The following PHOX2B variants were observed in gnomAD, a reference collection of about 807,000 sequenced individuals.
PHOX2B encodes paired like homeobox 2B, also known as paired mesoderm homeobox protein 2B.
In PHOX2B, 1 loss-of-function variant was observed where a neutral mutation model predicts 15.5. That is an observed-to-expected ratio of 0.06 (90% CI 0.02 to 0.31). The LOEUF (loss-of-function observed/expected upper bound fraction) is 0.31. Ranked by LOEUF, PHOX2B falls within the 10% of genes least tolerant of loss-of-function variation. The pLI is 1.00. For synonymous variants in PHOX2B, 206 were observed against 190.5 expected (o/e 1.08, Z -0.67); for missense variants, 314 against 436.4 (o/e 0.72, Z 2.50).
chr4:41,748,024 G>C (rs1419059637), intron 1 of PHOX2B, among the ~76,000 whole-genome samples: 1 of 151,972 alleles, frequency 6.6e-6, no homozygotes, highest in East Asian at 1.9e-4. Flanking sequence ...GGTGTGAGCC[G>C]CTGTCGGTTC....
chr4:41,746,329 C>G lies in PHOX2B; in HGVS notation c.430-7G>C. Reference sequence around the variant, plus strand: ...GGCGGTTCTGGAACCACACCTGGCCCAAGACGGAAGGAGAGACGGTGAAGC... The same window carrying G: ...GGCGGTTCTGGAACCACACCTGGCCGAAGACGGAAGGAGAGACGGTGAAGC... On this transcript the variant is annotated splice_polypyrimidine_tract_variant and splice_region_variant and intron_variant, in intron 2 of 2. Transcript: ENST00000226382. The G allele has an allele frequency of 6.2e-7, 1 of 1,613,538 alleles. No homozygotes were observed. Among genetic ancestry groups the G allele is most frequent in the Non-Finnish European group, 8.5e-7 (1 of 1,179,774 alleles).
At chr4:41,746,438 C>T in intron 2 of PHOX2B, 116 bp from the exon 3 acceptor site, 1 of 973,850 alleles carries the variant, frequency 1.0e-6, no homozygotes, top group Non-Finnish European at 1.6e-6. Context: ...ACACCCTCCT[C>T]CCCATGCGCT....
In PHOX2B at chr4:41,748,705, C is replaced by A; in HGVS notation, c.-95G>T. 1 of 1,201,586 alleles carries A rather than the reference C, an allele frequency of 8.3e-7. No homozygotes were observed. Among genetic ancestry groups the A allele is most frequent in the Middle Eastern group, 2.0e-4 (1 of 4,960 alleles). 74.4% of individuals were successfully genotyped at this position (1,201,586 alleles called of 1,614,324 possible). A position where few individuals can be genotyped will look rare whatever the true frequency, so the allele number is the denominator to read the frequency against. ...GAGTGGGGAGATGTGCACAGCTCAA[C>A]GCCTGCCTCCAAACTGGCCTCCTTA... On this transcript the variant is annotated 5_prime_UTR_variant, in exon 1 of 3. Coordinates refer to ENST00000226382, the MANE Select transcript of PHOX2B (RefSeq NM_003924.4).
chr4:41,746,375 G>A, intron 2 of PHOX2B, 53 bp from the exon 3 acceptor site: 1 of 1,588,166 alleles, frequency 6.3e-7, no homozygotes, highest in Admixed American at 1.7e-5. Context: ...AGAAGAAAAT[G>A]GGAAAGAAAA....
In PHOX2B at chr4:41,744,695, A is replaced by C. The variant is rs1733827135; in HGVS notation, c.*1112T>G. The C allele has an allele frequency of 8.6e-6, 2 of 233,564 alleles. No homozygotes were observed. Among genetic ancestry groups the C allele is most frequent in the South Asian group, 3.6e-4 (2 of 5,512 alleles). 14.5% of individuals were successfully genotyped at this position (233,564 alleles called of 1,614,324 possible). A position where few individuals can be genotyped will look rare whatever the true frequency, so the allele number is the denominator to read the frequency against. On this transcript the variant is annotated 3_prime_UTR_variant, in exon 3 of 3. Transcript: ENST00000226382. ...AAATGCAAACCGAGACACCCCTGCA[A>C]ACGTGTGTGTGTGCCTTTTCCTTGC...
chr4:41,744,220 A>T lies in PHOX2B; in HGVS notation c.*1587T>A, dbSNP rs1733816113. 9.4e-6 allele frequency: 2 copies of T among 213,196 alleles called. No homozygotes were observed. Among genetic ancestry groups the T allele is most frequent in the South Asian group, 3.7e-4 (2 of 5,342 alleles). 13.2% of individuals were successfully genotyped at this position (213,196 alleles called of 1,614,324 possible). A position where few individuals can be genotyped will look rare whatever the true frequency, so the allele number is the denominator to read the frequency against. On this transcript the variant is annotated 3_prime_UTR_variant, in exon 3 of 3. Transcript: ENST00000226382. ...ATATAAATAAATTCAAAAATCTGAA[A>T]CATAACTTATGACAATTATGTTCAC...
At chr4:41,747,168 C>G (rs1733927573) in intron 2 of PHOX2B, among the ~76,000 whole-genome samples, 181 bp downstream of exon 2, 1 of 152,162 alleles carries the variant, frequency 6.6e-6, no homozygotes, top group Non-Finnish European at 1.5e-5. Flanking sequence ...ATGCCAAGAG[C>G]GTGCGCTCTA....
rs1733832988 is a variant in PHOX2B at position 41,744,880 on chromosome 4, C to G, written c.*927G>C. 4.3e-6 allele frequency: 1 copy of G among 233,530 alleles called. No homozygotes were observed. The highest frequency in any genetic ancestry group is 8.5e-6 in the Non-Finnish European group (1 of 118,032). 14.5% of individuals were successfully genotyped at this position (233,530 alleles called of 1,614,324 possible). A position where few individuals can be genotyped will look rare whatever the true frequency, so the allele number is the denominator to read the frequency against. ...GTTGCGAAACATGAGACACATTTTG[C>G]AGAGTTTGCAGATGAAAAGGCATCT... On this transcript the variant is annotated 3_prime_UTR_variant, in exon 3 of 3. Transcript: ENST00000226382.
At chr4:41,748,338 CT>C in intron 1 of PHOX2B, 31 bp downstream of exon 1, 2 of 1,612,944 alleles carry the variant, frequency 1.2e-6, no homozygotes, top group Non-Finnish European at 1.7e-6. Flanking sequence ...GGAAAGGCGG[CT>C]TCCTCCGCTG....
At chr4:41,746,437 T>A (rs1179246484) in intron 2 of PHOX2B, 115 bp from the exon 3 acceptor site, 2 of 983,584 alleles carry the variant, frequency 2.0e-6, no homozygotes, top group Non-Finnish European at 3.1e-6. Context: ...AACACCCTCC[T>A]CCCCATGCGC....
chr4:41,747,335 C>T lies in PHOX2B; in HGVS notation c.429+14G>A, dbSNP rs766950465. 6.2e-7 allele frequency: 1 copy of T among 1,601,972 alleles called. No homozygotes were observed. Among genetic ancestry groups the T allele is most frequent in the Non-Finnish European group, 8.5e-7 (1 of 1,178,496 alleles). On this transcript the variant is annotated intron_variant, in intron 2 of 2. Coordinates refer to ENST00000226382, the MANE Select transcript of PHOX2B (RefSeq NM_003924.4). ...CAGTGCGGCGGAGCGGGGTCGGTTT[C>T]CAGGCGCGCGTACCTGGACTCGCGC...
rs1733879198 is a variant in PHOX2B at position 41,745,999 on chromosome 4, C to CGCCGCT, written c.747_752dup (p.Ala259_Ala260dup). The stretch of plus-strand genomic sequence containing the variant: ...CTGCCGCCGCTGCCGCTGCCGCCGC[C>CGCCGCT]GCCGCTGCCGCGGCCGCCGCCGCTG... On this transcript the variant is annotated inframe_insertion, in exon 3 of 3. Coordinates refer to ENST00000226382, the MANE Select transcript of PHOX2B (RefSeq NM_003924.4). This position sits in a 1 kb window ranked among gnomAD's most constrained non-coding sequence, Gnocchi z 4.0. 2 of 1,174,412 alleles carry CGCCGCT rather than the reference C, an allele frequency of 1.7e-6. No homozygotes were observed. Among genetic ancestry groups the CGCCGCT allele is most frequent in the Non-Finnish European group, 1.1e-6 (1 of 949,672 alleles). 72.7% of individuals were successfully genotyped at this position (1,174,412 alleles called of 1,614,324 possible).
chr4:41,745,755 G>A lies in PHOX2B; in HGVS notation c.*52C>T, dbSNP rs1733862627. ...ACCCGCTCGCCCACTCGCCCGCCCG[G>A]GCCCTGGCTCGCCCGCTGTCGCCGC... On this transcript the variant is annotated 3_prime_UTR_variant, in exon 3 of 3. Coordinates refer to ENST00000226382, the MANE Select transcript of PHOX2B (RefSeq NM_003924.4). This position sits in a 1 kb window ranked among gnomAD's most constrained non-coding sequence, Gnocchi z 4.0. 3.2e-6 allele frequency: 5 copies of A among 1,570,926 alleles called. No individual in the cohort carries two copies. The highest frequency in any genetic ancestry group is 4.3e-6 in the Non-Finnish European group (5 of 1,160,172).
Position 41,745,617 on chromosome 4 carries a change from TAG to T in PHOX2B, c.*188_*189del. On this transcript the variant is annotated 3_prime_UTR_variant, in exon 3 of 3. Coordinates refer to ENST00000226382, the MANE Select transcript of PHOX2B (RefSeq NM_003924.4). The surrounding 1 kb of genome is among the most constrained non-coding windows in gnomAD (Gnocchi z 4.0). ...TTTGTTTGGGGGTTGAGGAAGGGGG[TAG>T]GAGTGGGGTTGAAATGAGGGCGACG... is the stretch of plus-strand genomic sequence containing the variant. 1.6e-6 allele frequency: 1 copy of T among 619,644 alleles called. No individual in the cohort carries two copies. The highest frequency in any genetic ancestry group is 2.6e-6 in the Non-Finnish European group (1 of 382,754). The allele number at this position is 619,644 out of a possible 1,614,324, so 38.4% of individuals were successfully genotyped here.
chr4:41,745,587 T>C lies in PHOX2B; in HGVS notation c.*220A>G, dbSNP rs1733856931. On this transcript the variant is annotated 3_prime_UTR_variant, in exon 3 of 3. Transcript: ENST00000226382. The surrounding 1 kb of genome is among the most constrained non-coding windows in gnomAD (Gnocchi z 4.0). Reference sequence around the variant, plus strand: ...GCAGGTGCGAAGCCAGGGAAGTTTGTTTGTTTTGTTTGGGGGTTGAGGAAG... The same window carrying C: ...GCAGGTGCGAAGCCAGGGAAGTTTGCTTGTTTTGTTTGGGGGTTGAGGAAG... 1 of 513,570 alleles carries C rather than the reference T, an allele frequency of 1.9e-6. No homozygotes were observed. Among genetic ancestry groups the C allele is most frequent in the Non-Finnish European group, 3.3e-6 (1 of 301,138 alleles). The allele number at this position is 513,570 out of a possible 1,614,324, so 31.8% of individuals were successfully genotyped here.
chr4:41,747,616 C>G, intron 1 of PHOX2B, 80 bp from the exon 2 acceptor site: 1 of 1,203,398 alleles, frequency 8.3e-7, no homozygotes, highest in South Asian at 1.2e-5. Context: ...GTGAGGACTC[C>G]AAGGTCAGGT....
chr4:41,747,656 G>GA (rs1733955883), intron 1 of PHOX2B, 120 bp from the exon 2 acceptor site: 1 of 813,808 alleles, frequency 1.2e-6, no homozygotes. Flanking sequence ...ACACCCGCGC[G>GA]AGAGAGTTGC....
chr4:41,747,635 A>C, intron 1 of PHOX2B, 99 bp from the exon 2 acceptor site: 1 of 964,924 alleles, frequency 1.0e-6, no homozygotes, highest in Non-Finnish European at 1.7e-6. Context: ...GTCATACGGC[A>C]GCCGCTACCT....
chr4:41,747,505 G>T lies in PHOX2B; in HGVS notation c.273C>A (p.Gly91=). 1 of 1,609,690 alleles carries T rather than the reference G, an allele frequency of 6.2e-7. No homozygotes were observed. The change falls in exon 2 of 3, where the codon GGC becomes GGA. Residue 91 remains glycine (G), a synonymous_variant. Transcript: ENST00000226382. ...GCCGCTGCTTGCGCTTCTCGTTGAG[G>T]CCGCCGTGGTCCGTGAAGAGTTTGT... The part of the protein sequence containing the change: ...VPYKLFTDHG[G]LNEKRKQRRI...
Sources: allele counts gnomAD v4.1 joint callset (sites outside exome capture counted in the v4.1 genomes callset), GRCh38; gene constraint gnomAD v4.1.1; non-coding constraint Gnocchi (gnomAD v3.1); transcripts MANE v1.5; gene names NCBI Gene and HGNC (gene_info 2026-07-23, HGNC 2026-07-21).